The following LUZP2 variants were observed in gnomAD, a reference collection of about 807,000 sequenced individuals.
The protein encoded by LUZP2 is leucine zipper protein 2.
A neutral mutation model predicts 51.6 loss-of-function variants in LUZP2; 52 were observed. That is an observed-to-expected ratio of 1.01 (90% CI 0.81 to 1.27). The LOEUF is 1.27. LUZP2 is among the 50% of genes most tolerant of loss of function. The pLI is 0.00. For synonymous variants in LUZP2, 154 were observed against 137.3 expected (o/e 1.12, Z -0.85); for missense variants, 436 against 395.4 (o/e 1.10, Z -0.87).
intron 1 of LUZP2, among the ~76,000 whole-genome samples, chr11:24,696,092 G>T (rs910322466): frequency 2.0e-5 from 3 of 152,040 alleles, no homozygotes; most frequent in African/African-American, 7.2e-5. Flanking sequence ...CAAGGCTTAG[G>T]ATTTCATACT....
chr11:24,521,515 G>T (rs1195521390), intron 1 of LUZP2, among the ~76,000 whole-genome samples: 1 of 152,020 alleles, frequency 6.6e-6, no homozygotes, highest in East Asian at 1.9e-4. Flanking sequence ...AGCATTTCAA[G>T]GTAAGGAAGA....
intron 10 of LUZP2, among the ~76,000 whole-genome samples, chr11:25,071,961 G>A (rs937760321): frequency 5.9e-5 from 9 of 152,022 alleles, no homozygotes; most frequent in South Asian, 2.1e-4. Flanking sequence ...AATGATTCTT[G>A]TGCATCTAAA....
At position 24,973,515 on chromosome 11, in the gene LUZP2, C is replaced by G. The variant is rs183290375; in HGVS notation, c.523-3076C>G. ...TTTGTTTGCTCTTGGTCCTCTAGTT[C>G]TTTAAGTTGTGTTGTCACGTTGTTA... On this transcript the variant is annotated intron_variant, in intron 7 of 11. Coordinates refer to ENST00000336930, the MANE Select transcript of LUZP2 (RefSeq NM_001009909.4). Among the ~76,000 whole-genome samples the G allele has an allele frequency of 1.2e-3, 189 of 151,754 alleles. 1 individual carries two copies. Among genetic ancestry groups the G allele is most frequent in the African/African-American group, 4.4e-3 (183 of 41,406 alleles).
intron 5 of LUZP2, among the ~76,000 whole-genome samples, chr11:24,855,728 T>G (rs571235252): frequency 6.6e-6 from 1 of 152,150 alleles, no homozygotes; most frequent in Non-Finnish European, 1.5e-5. Context: ...TAACACAGGC[T>G]ATAGTAATTA....
At position 24,922,837 on chromosome 11, in the gene LUZP2, C is replaced by CTTTTTTTTTTTT. The variant is rs749672583; in HGVS notation, c.522+8318_522+8329dup. 1.0e-2 allele frequency among the ~76,000 whole-genome samples: 472 copies of CTTTTTTTTTTTT among 47,216 alleles called. 7 individuals carry two copies. The highest frequency in any genetic ancestry group is 0.015 in the Middle Eastern group (1 of 66). 31.0% of individuals were successfully genotyped at this position (47,216 alleles called of 152,430 possible). On this transcript the variant is annotated intron_variant, in intron 7 of 11. Coordinates refer to ENST00000336930, the MANE Select transcript of LUZP2 (RefSeq NM_001009909.4). ...GGCACAGTTATATCTTTTTTTTTTT[C>CTTTTTTTTTTTT]TTTTTTTTTTTTTTTTTTTTTTTTT... is the stretch of plus-strand genomic sequence containing the variant.
At chr11:25,009,488 T>A (rs188871789) in intron 9 of LUZP2, among the ~76,000 whole-genome samples, 40 of 152,252 alleles carry the variant, frequency 2.6e-4, no homozygotes, top group African/African-American at 9.6e-4. Context: ...TACTTCATAA[T>A]TTCATAGTAA....
chr11:24,570,822 T>G (rs1163317266), intron 1 of LUZP2, among the ~76,000 whole-genome samples: 1 of 152,026 alleles, frequency 6.6e-6, no homozygotes, highest in Non-Finnish European at 1.5e-5. Context: ...ATATAAAACA[T>G]TCTATGAATA....
intron 4 of LUZP2, among the ~76,000 whole-genome samples, chr11:24,748,774 T>A (rs1195749343): frequency 6.6e-6 from 1 of 152,082 alleles, no homozygotes; most frequent in Admixed American, 6.6e-5. Flanking sequence ...AAAAATAATT[T>A]AAAAATCACA....
intron 5 of LUZP2, among the ~76,000 whole-genome samples, chr11:24,795,377 T>G (rs1308627894): frequency 6.6e-6 from 1 of 152,168 alleles, no homozygotes; most frequent in Non-Finnish European, 1.5e-5. Flanking sequence ...TCACTGAGTA[T>G]ATCTGATTCC....
intron 9 of LUZP2, among the ~76,000 whole-genome samples, chr11:25,020,266 A>G (rs4348849): frequency 0.58 from 87,420 of 151,690 alleles, 26,596 homozygotes; most frequent in African/African-American, 0.77. Flanking sequence ...AGTGCTACTA[A>G]TATCATTTGC....
At chr11:24,800,089 C>T (rs1422689108) in intron 5 of LUZP2, among the ~76,000 whole-genome samples, 1 of 152,066 alleles carries the variant, frequency 6.6e-6, no homozygotes, top group African/African-American at 2.4e-5. Flanking sequence ...CTTTGTCTTC[C>T]TCCCCATAAT....
At chr11:24,998,520 G>C (rs1450557069) in intron 9 of LUZP2, among the ~76,000 whole-genome samples, 2 of 152,116 alleles carry the variant, frequency 1.3e-5, no homozygotes, top group Non-Finnish European at 2.9e-5. Flanking sequence ...GAGATTTTGG[G>C]TGAGACAATG....
chr11:24,906,252 A>G (rs542957563), intron 6 of LUZP2, among the ~76,000 whole-genome samples, 199 bp downstream of exon 6: 1 of 151,900 alleles, frequency 6.6e-6, no homozygotes, highest in South Asian at 2.1e-4. Flanking sequence ...AAAAAAAAAA[A>G]TTAACAAAGG....
At chr11:24,728,405 C>T (rs1345248956) in intron 1 of LUZP2, among the ~76,000 whole-genome samples, 2 of 151,966 alleles carry the variant, frequency 1.3e-5, no homozygotes, top group Non-Finnish European at 2.9e-5. Context: ...GTTTGCCTGC[C>T]TCCCCTGCTT....
intron 5 of LUZP2, among the ~76,000 whole-genome samples, chr11:24,807,294 T>G (rs1402043039): frequency 6.6e-6 from 1 of 151,826 alleles, no homozygotes; most frequent in Admixed American, 6.6e-5. Flanking sequence ...TGAAACACTG[T>G]CTCTACTAAA....
At chr11:24,691,581 A>G (rs1463474213) in intron 1 of LUZP2, among the ~76,000 whole-genome samples, 3 of 151,824 alleles carry the variant, frequency 2.0e-5, no homozygotes, top group South Asian at 4.1e-4. Flanking sequence ...TCCTTCAGGT[A>G]TATAAAACCT....
intron 1 of LUZP2, among the ~76,000 whole-genome samples, chr11:24,702,327 G>A (rs1857443261): frequency 6.6e-6 from 1 of 151,966 alleles, no homozygotes; most frequent in Non-Finnish European, 1.5e-5. Flanking sequence ...AAATGTCTGT[G>A]GACTGATCCT....
intron 1 of LUZP2, among the ~76,000 whole-genome samples, chr11:24,600,474 G>A (rs1462275741): frequency 6.6e-6 from 1 of 152,076 alleles, no homozygotes; most frequent in African/African-American, 2.4e-5. Flanking sequence ...TAACAGAGGG[G>A]GAATGGAAAT....
At chr11:24,984,011 G>A (rs1856117494) in intron 9 of LUZP2, among the ~76,000 whole-genome samples, 1 of 151,532 alleles carries the variant, frequency 6.6e-6, no homozygotes, top group African/African-American at 2.4e-5. Flanking sequence ...CAATTTGTAG[G>A]CCCTACATAC....
Sources: gnomAD v4.1 joint callset for allele counts (sites outside exome capture counted in the v4.1 genomes callset) on GRCh38, gnomAD v4.1.1 for gene constraint, MANE v1.5 for transcripts, NCBI Gene and HGNC (gene_info 2026-07-23, HGNC 2026-07-21) for gene names.